KAT6A: variants seen among roughly 807,000 people sequenced by gnomAD.
KAT6A encodes the protein lysine acetyltransferase 6A.
KAT6A carries 9 observed loss-of-function variants against 198.4 expected under a neutral mutation model. That is an observed-to-expected ratio of 0.05 (90% CI 0.03 to 0.08). The LOEUF is 0.08. Among genes scored for constraint, KAT6A ranks in the 10% least tolerant of loss-of-function variants. The pLI is 1.00. For synonymous variants in KAT6A, 890 were observed against 883.0 expected, an observed-to-expected ratio of 1.01 and a Z score of -0.14; for missense variants, 2,077 against 2,509.9, an observed-to-expected ratio of 0.83 and a Z score of 3.69.
intron 6 of KAT6A, 148 bp downstream of exon 6, chr8:41,978,494 A>T: frequency 1.3e-6 from 1 of 764,484 alleles, no homozygotes; most frequent in Non-Finnish European, 2.1e-6. Flanking sequence ...GGCACTTATT[A>T]AGGGCTGAAT....
chr8:41,995,093 A>G (rs1306444710), intron 2 of KAT6A, among the ~76,000 whole-genome samples: 1 of 152,124 alleles, frequency 6.6e-6, no homozygotes, highest in Non-Finnish European at 1.5e-5. Context: ...AACAATGCCT[A>G]GTATATAGAA....
At chr8:41,987,196 G>A (rs1236768852) in intron 3 of KAT6A, among the ~76,000 whole-genome samples, 2 of 152,138 alleles carry the variant, frequency 1.3e-5, no homozygotes, top group African/African-American at 4.8e-5. Context: ...GTACGGGTTT[G>A]AGCCTATGAG....
rs1825706786 is a variant in KAT6A, at chr8:42,005,714, G to A, written c.601-18151C>T. ...CCACACATGCTGTTACTATACAAAG[G>A]ATGTCTAGAAAGCCAATGTGCTGCA... On this transcript the variant is annotated intron_variant, in intron 2 of 16. Coordinates refer to ENST00000265713, the MANE Select transcript of KAT6A (RefSeq NM_006766.5). 3.3e-5 allele frequency among the ~76,000 whole-genome samples: 5 copies of A among 151,464 alleles called. No homozygotes were observed. In the South Asian group the frequency reaches 1.0e-3, roughly 31 times the overall value.
At chr8:41,955,841 T>C (rs17607741) in intron 8 of KAT6A, among the ~76,000 whole-genome samples, 33,067 of 152,126 alleles carry the variant, frequency 0.22, 3,964 homozygotes, top group Non-Finnish European at 0.24. Flanking sequence ...GATGCCCTAC[T>C]GAATATGTAA....
In KAT6A at chr8:41,941,130, T is replaced by C; in HGVS notation, c.2751A>G (p.Glu917=). ...EATQEQYTES[E]EQLVASEEQP... ...GCTCCTCAGAAGCCACCAGCTGTTC[T>C]TCACTTTCAGTGTATTGTTCCTGGG... The change falls in exon 15 of 17, where the codon GAA becomes GAG. Residue 917 remains glutamate (E), a synonymous_variant. Transcript: ENST00000265713. The C allele has an allele frequency of 6.2e-7, 1 of 1,614,248 alleles. No individual in the cohort carries two copies. The highest frequency in any genetic ancestry group is 1.1e-5 in the South Asian group (1 of 91,080).
rs1449885432 is a variant in KAT6A, at chr8:41,944,999, T to C, written c.1997-1020A>G. On this transcript the variant is annotated intron_variant, in intron 12 of 16. Coordinates refer to ENST00000265713, the MANE Select transcript of KAT6A (RefSeq NM_006766.5). The stretch of plus-strand genomic sequence containing the variant: ...CAAGACTAGAATCAAAATCCTTTGT[T>C]TGAACCATTAGTTCTGCATATATTC... Among the ~76,000 whole-genome samples, 7 of 152,330 alleles carry C rather than the reference T, an allele frequency of 4.6e-5. No homozygotes were observed. In the East Asian group the frequency reaches 1.3e-3, roughly 29 times the overall value.
At chr8:42,003,337 G>A (rs1381906431) in intron 2 of KAT6A, among the ~76,000 whole-genome samples, 2 of 152,076 alleles carry the variant, frequency 1.3e-5, no homozygotes, top group East Asian at 1.9e-4. Flanking sequence ...CAACTTTGTG[G>A]GGCCTCTCGC....
intron 2 of KAT6A, among the ~76,000 whole-genome samples, chr8:41,998,514 T>G (rs1443660382): frequency 2.0e-5 from 3 of 152,146 alleles, no homozygotes; most frequent in Non-Finnish European, 4.4e-5. Context: ...TCTGACAGTT[T>G]TGAATTCCAT....
At chr8:41,940,728 A>G (rs2150861195) in intron 15 of KAT6A, 114 bp downstream of exon 15, 1 of 1,288,000 alleles carries the variant, frequency 7.8e-7, no homozygotes, top group East Asian at 2.3e-5. Context: ...AGGTTTATAA[A>G]GCAATGCACT....
At chr8:42,005,803 C>T (rs917158704) in intron 2 of KAT6A, among the ~76,000 whole-genome samples, 1 of 151,760 alleles carries the variant, frequency 6.6e-6, no homozygotes, top group African/African-American at 2.4e-5. Context: ...CACACACTCA[C>T]TCTCTTTCTC....
At chr8:42,051,546 C>T (rs889840711) in intron 1 of KAT6A, among the ~76,000 whole-genome samples, 6 of 145,186 alleles carry the variant, frequency 4.1e-5, no homozygotes, top group Non-Finnish European at 7.6e-5. Flanking sequence ...CGAGGCTCCG[C>T]GGCCTGGGCC....
rs149355914 is a variant in KAT6A, at chr8:41,936,032, C to A, written c.3353-1165G>T. Among the ~76,000 whole-genome samples, 670 of 152,184 alleles carry A rather than the reference C, an allele frequency of 4.4e-3. 2 individuals are homozygous for A. Among genetic ancestry groups the A allele is most frequent in the South Asian group, 6.0e-3 (29 of 4,816 alleles). On this transcript the variant is annotated intron_variant, in intron 16 of 16. Coordinates refer to ENST00000265713, the MANE Select transcript of KAT6A (RefSeq NM_006766.5). ...ATCCCAGCACTTTGGGAGTCCAAGG[C>A]GGGTGGATCACTTGAGGTCAGGAGT...
At chr8:42,036,013 CTTCT>C (rs1773298205) in intron 2 of KAT6A, among the ~76,000 whole-genome samples, 2 of 152,110 alleles carry the variant, frequency 1.3e-5, no homozygotes, top group African/African-American at 2.4e-5. Flanking sequence ...GCCTTTCACA[CTTCT>C]TTCACTGTCC....
At chr8:41,996,740 C>T (rs1825230360) in intron 2 of KAT6A, among the ~76,000 whole-genome samples, 1 of 152,138 alleles carries the variant, frequency 6.6e-6, no homozygotes, top group African/African-American at 2.4e-5. Flanking sequence ...AGATGAGGCC[C>T]CTTGATCTTA....
In KAT6A at chr8:41,949,289, T is replaced by C. The variant is rs1459726609; in HGVS notation, c.1673A>G (p.Lys558Arg). The change falls in exon 10 of 17, where the codon AAG becomes AGG. Residue 558 changes from lysine to arginine, a missense_variant. Around this residue, in one of 13 missense-constraint regions of KAT6A, gnomAD observed 46 missense variants for 88.2 expected, o/e 0.52. Coordinates refer to ENST00000265713, the MANE Select transcript of KAT6A (RefSeq NM_006766.5). ...KSRTILQQHM[K>R]KCGWFHPPAN... ...AGGAGGATGGAACCAACCACATTTC[T>C]TCATGTGCTGCTGCAGAATAGTTCT... is the stretch of plus-strand genomic sequence containing the variant. 3 of 1,578,596 alleles carry C rather than the reference T, an allele frequency of 1.9e-6. No homozygotes were observed. Among genetic ancestry groups the C allele is most frequent in the African/African-American group, 2.7e-5 (2 of 73,186 alleles).
chr8:41,963,743 T>C (rs988057079), intron 8 of KAT6A, among the ~76,000 whole-genome samples: 12 of 151,436 alleles, frequency 7.9e-5, no homozygotes, highest in African/African-American at 2.5e-4. Flanking sequence ...TCAAGAGCTA[T>C]TTAGCTACTA....
At chr8:41,956,893 A>G (rs1022115640) in intron 8 of KAT6A, among the ~76,000 whole-genome samples, 4 of 152,200 alleles carry the variant, frequency 2.6e-5, no homozygotes, top group Non-Finnish European at 5.9e-5. Context: ...AGAATCAACT[A>G]CTCTAACTCA....
chr8:42,040,757 A>AAAG (rs1554700701), intron 2 of KAT6A, among the ~76,000 whole-genome samples: 2 of 149,642 alleles, frequency 1.3e-5, no homozygotes, highest in Non-Finnish European at 1.5e-5. Flanking sequence ...AAAAAAAAAA[A>AAAG]AAAGAAAGAA....
chr8:41,987,494 G>T lies in KAT6A; in HGVS notation c.670C>A (p.Pro224Thr). The change falls in exon 3 of 17, where the codon CCA (proline) becomes ACA (threonine). Residue 224 changes from proline to threonine, a missense_variant. Around this residue, in one of 13 missense-constraint regions of KAT6A, gnomAD observed 89 missense variants for 154.4 expected, o/e 0.58. Coordinates refer to ENST00000265713, the MANE Select transcript of KAT6A (RefSeq NM_006766.5). ...GTKEQNREKK[P>T]EELISCADCG... ...TCGGCACAGGAGATGAGTTCCTCTG[G>T]CTTCTTTTCTCGGTTTTGTTCTTTT... 6.2e-7 allele frequency: 1 copy of T among 1,612,954 alleles called. No homozygotes were observed. The highest frequency in any genetic ancestry group is 8.5e-7 in the Non-Finnish European group (1 of 1,179,006).
Sources: allele counts gnomAD v4.1 joint callset (sites outside exome capture counted in the v4.1 genomes callset), GRCh38; gene constraint gnomAD v4.1.1; regional missense constraint gnomAD v4.1.1; transcripts MANE v1.5; gene names NCBI Gene and HGNC (gene_info 2026-07-23, HGNC 2026-07-21).